The following INTS2 variants were observed in gnomAD, a reference collection of about 807,000 sequenced individuals.
INTS2 encodes the protein KIAA1287.
In INTS2, 57 loss-of-function variants were observed where a neutral mutation model predicts 139.6. The observed-to-expected ratio is 0.41, with a 90% CI of 0.33 to 0.51. INTS2 has a LOEUF of 0.51. Among genes scored for constraint, INTS2 ranks in the 20% least tolerant of loss-of-function variants. INTS2 has a pLI of 0.28. For synonymous variants in INTS2, 473 were observed against 493.4 expected, an observed-to-expected ratio of 0.96 and a Z score of 0.55; for missense variants, 1,196 against 1,436.7, an observed-to-expected ratio of 0.83 and a Z score of 2.71.
intron 8 of INTS2, among the ~76,000 whole-genome samples, chr17:61,906,830 C>CAAAAAAAAA (rs60672452): frequency 2.9e-5 from 3 of 101,908 alleles, no homozygotes; most frequent in Admixed American, 1.0e-4. Flanking sequence ...ACTAAAAATA[C>CAAAAAAAAA]AAAAAAAAAA....
chr17:61,913,353 C>CA (rs966569686), intron 5 of INTS2, among the ~76,000 whole-genome samples: 2 of 60,480 alleles, frequency 3.3e-5, no homozygotes, highest in African/African-American at 6.4e-5. Context: ...AAAAAAAAAA[C>CA]AAAAAAAAAG....
In INTS2 at chr17:61,925,117, A is replaced by T. The variant is rs979114651; in HGVS notation, c.294-18T>A. 9 of 1,607,256 alleles carry T rather than the reference A, an allele frequency of 5.6e-6. No homozygotes were observed. In the African/African-American group the frequency reaches 1.2e-4, roughly 21 times the overall value. Reference sequence around the variant, plus strand: ...GTTTATGCCTAATGAAGTACAAAACATGTAACAATTATGAAAACACTGATA... The same window carrying T: ...GTTTATGCCTAATGAAGTACAAAACTTGTAACAATTATGAAAACACTGATA... On this transcript the variant is annotated intron_variant, in intron 2 of 24. Transcript: ENST00000251334.
chr17:61,911,002 A>G (rs2079520861), intron 7 of INTS2: 1 of 153,486 alleles, frequency 6.5e-6, no homozygotes, highest in African/African-American at 2.4e-5. Context: ...CATTCTTCTC[A>G]TTAAATTTTG....
At chr17:61,878,637 A>AT (rs11432897) in intron 17 of INTS2, among the ~76,000 whole-genome samples, 18,533 of 151,168 alleles carry the variant, frequency 0.12, 3,779 homozygotes, top group African/African-American at 0.42. Flanking sequence ...GAACAAAAAT[A>AT]TTTTTTAAAA....
In INTS2 at chr17:61,926,461, G is replaced by C; in HGVS notation, c.184C>G (p.Leu62Val). The C allele has an allele frequency of 6.2e-7, 1 of 1,614,046 alleles. No homozygotes were observed. The highest frequency in any genetic ancestry group is 8.5e-7 in the Non-Finnish European group (1 of 1,179,890). Residue 62 changes from leucine to valine, a missense_variant, in exon 2 of 25, where the codon CTC becomes GTC. This residue lies in a region of INTS2 where 31 missense variants were observed against 64.8 expected (regional missense o/e 0.48). Coordinates refer to ENST00000251334, the MANE Select transcript of INTS2 (RefSeq NM_001351695.2). ...ACTCCAGAAAGAAGGCGAAGGATGA[G>C]TTTCTTATCCTGAGCCCAGCTTTGG... is the stretch of plus-strand genomic sequence containing the variant. ...QSQSWAQDKK[L>V]ILRLLSGVEA...
chr17:61,900,096 A>C (rs577034026), intron 9 of INTS2, among the ~76,000 whole-genome samples: 5 of 152,184 alleles, frequency 3.3e-5, no homozygotes, highest in Non-Finnish European at 5.9e-5. Context: ...AGGAGGGACA[A>C]CACCACAAAA....
rs995087163 is a variant in INTS2 at position 61,909,236 on chromosome 17, C to T, written c.955-1602G>A. ...AAGCGATTCTCCTGCCTCAGCCTCC[C>T]GAGTAGCTGGGACTACAGGCACGCA... is the stretch of plus-strand genomic sequence containing the variant. On this transcript the variant is annotated intron_variant, in intron 7 of 24. Transcript: ENST00000251334. This position sits in a 1 kb window ranked among gnomAD's most constrained non-coding sequence, Gnocchi z 4.9. 6.6e-6 allele frequency among the ~76,000 whole-genome samples: 1 copy of T among 151,976 alleles called. No homozygotes were observed. Among genetic ancestry groups the T allele is most frequent in the Non-Finnish European group, 1.5e-5 (1 of 68,000 alleles).
At chr17:61,926,746 G>T in intron 1 of INTS2, 84 bp from the exon 2 acceptor site, 1 of 1,102,800 alleles carries the variant, frequency 9.1e-7, no homozygotes, top group Non-Finnish European at 1.3e-6. Flanking sequence ...TGAAAAATGT[G>T]GTGTATCTTT....
intron 9 of INTS2, among the ~76,000 whole-genome samples, chr17:61,903,573 AG>A (rs1231829948): frequency 2.0e-5 from 3 of 152,066 alleles, no homozygotes; most frequent in Admixed American, 6.5e-5. Context: ...GAGAAGATTT[AG>A]GCTGGCAGAG....
chr17:61,887,597 C>G (rs2079242612), intron 15 of INTS2, among the ~76,000 whole-genome samples: 1 of 151,754 alleles, frequency 6.6e-6, no homozygotes, highest in East Asian at 1.9e-4. Context: ...CCAAATTAAT[C>G]TATAAGTTTA....
chr17:61,906,963 C>CA (rs34773307), intron 8 of INTS2, among the ~76,000 whole-genome samples: 39,686 of 79,762 alleles, frequency 0.5, 11,102 homozygotes, highest in Middle Eastern at 0.73. Context: ...GATTCCATCT[C>CA]AAAAAAAAAA....
chr17:61,883,416 G>A (rs189759850), intron 16 of INTS2, among the ~76,000 whole-genome samples: 51 of 150,310 alleles, frequency 3.4e-4, no homozygotes, highest in African/African-American at 1.2e-3. Context: ...GGTTAACGAT[G>A]AGCAATGAAG....
At chr17:61,892,474 G>A (rs756900259) in intron 13 of INTS2, among the ~76,000 whole-genome samples, 2 of 152,104 alleles carry the variant, frequency 1.3e-5, no homozygotes, top group Non-Finnish European at 2.9e-5. Context: ...ACAAATACTA[G>A]TCATGGCAGC....
rs1386553744 is a variant in INTS2, at chr17:61,882,833, A to G, written c.2090-1662T>C. Among the ~76,000 whole-genome samples the G allele has an allele frequency of 6.6e-6, 1 of 152,238 alleles. No individual in the cohort carries two copies. Among genetic ancestry groups the G allele is most frequent in the Non-Finnish European group, 1.5e-5 (1 of 68,040 alleles). On this transcript the variant is annotated intron_variant, in intron 16 of 24. Transcript: ENST00000251334. The surrounding 1 kb of genome is among the most constrained non-coding windows in gnomAD (Gnocchi z 4.7). ...TAAGTACCTAATAAATATTGTTGCTACCATACTATTATCATCATAACAGTA... is the reference window on the plus strand; with the variant it reads ...TAAGTACCTAATAAATATTGTTGCTGCCATACTATTATCATCATAACAGTA...
chr17:61,884,821 C>T lies in INTS2; in HGVS notation c.2089+80G>A, dbSNP rs547114919. 30 of 827,724 alleles carry T rather than the reference C, an allele frequency of 3.6e-5. No individual in the cohort carries two copies. The African/African-American group carries it at 5.2e-4, about 14-fold the overall frequency. 51.3% of individuals were successfully genotyped at this position (827,724 alleles called of 1,614,324 possible). On this transcript the variant is annotated intron_variant, in intron 16 of 24. Transcript: ENST00000251334. ...CTGTTTGAATTTTTAACATTAAGCACCTATTACACTTCATAACATTATAAA... is the reference window on the plus strand; with the variant it reads ...CTGTTTGAATTTTTAACATTAAGCATCTATTACACTTCATAACATTATAAA...
Position 61,865,470 on chromosome 17 carries a change from C to T in INTS2, c.*2087G>A, listed in dbSNP as rs1409123990. 1 of 152,692 alleles carries T rather than the reference C, an allele frequency of 6.5e-6. No individual in the cohort carries two copies. Among genetic ancestry groups the T allele is most frequent in the Admixed American group, 6.5e-5 (1 of 15,302 alleles). The allele number at this position is 152,692 out of a possible 1,614,324, so 9.5% of individuals were successfully genotyped here. On this transcript the variant is annotated 3_prime_UTR_variant, in exon 25 of 25. Transcript: ENST00000251334. The surrounding 1 kb of genome is among the most constrained non-coding windows in gnomAD (Gnocchi z 4.8). ...AAACACATTGTGACAAATTTTATAA[C>T]CTTAACTTAAAATACATGAATATTA...
chr17:61,895,028 C>T (rs1454990966), intron 12 of INTS2, among the ~76,000 whole-genome samples: 1 of 152,086 alleles, frequency 6.6e-6, no homozygotes, highest in African/African-American at 2.4e-5. Flanking sequence ...AAAACAATTA[C>T]CCCTTGAGAT....
intron 3 of INTS2, among the ~76,000 whole-genome samples, chr17:61,922,106 G>A (rs538307599): frequency 1.5e-3 from 230 of 152,200 alleles, no homozygotes; most frequent in Non-Finnish European, 2.1e-3. Flanking sequence ...CCAAAGAAAT[G>A]AACTACAAAT....
rs555909543 is a variant in INTS2, at chr17:61,892,454, T to C, written c.1699-765A>G. Among the ~76,000 whole-genome samples, 20 of 152,296 alleles carry C rather than the reference T, an allele frequency of 1.3e-4. No homozygotes were observed. In the South Asian group the frequency reaches 3.9e-3, roughly 30 times the overall value. ...CTAAGTTAGGTGTGAGGTGTCCTTA[T>C]GACAAATCAACAAATACTAGTCATG... On this transcript the variant is annotated intron_variant, in intron 13 of 24. Coordinates refer to ENST00000251334, the MANE Select transcript of INTS2 (RefSeq NM_001351695.2).
Sources: allele counts gnomAD v4.1 joint callset (sites outside exome capture counted in the v4.1 genomes callset), GRCh38; gene constraint gnomAD v4.1.1; regional missense constraint gnomAD v4.1.1; non-coding constraint Gnocchi (gnomAD v3.1); transcripts MANE v1.5; gene names NCBI Gene and HGNC (gene_info 2026-07-23, HGNC 2026-07-21).